BMPR1B: variants seen among roughly 807,000 people sequenced by gnomAD.
BMPR1B encodes bone morphogenetic protein receptor type-1B.
In BMPR1B, 12 loss-of-function variants were observed where a neutral mutation model predicts 59.1. That is an observed-to-expected ratio of 0.20 (90% CI 0.13 to 0.33). The LOEUF (loss-of-function observed/expected upper bound fraction) is 0.33, where lower values mean the gene tolerates loss of function less well. BMPR1B is among the 10% of genes least tolerant of loss of function. The pLI, the probability that BMPR1B is intolerant of heterozygous loss-of-function variation, is 1.00. For missense variants in BMPR1B, 550 were observed against 610.9 expected, an observed-to-expected ratio of 0.90 and a Z score of 1.05; for synonymous variants, 237 against 207.3, an observed-to-expected ratio of 1.14 and a Z score of -1.23.
chr4:95,089,328 C>T (rs892822530), intron 3 of BMPR1B, among the ~76,000 whole-genome samples: 10 of 151,420 alleles, frequency 6.6e-5, no homozygotes, highest in African/African-American at 1.9e-4. Flanking sequence ...CTTTTTTTGG[C>T]GGTGGTTTGT....
chr4:94,758,686 CCT>C (rs1721632492), intron 1 of BMPR1B, among the ~76,000 whole-genome samples: 1 of 151,974 alleles, frequency 6.6e-6, no homozygotes, highest in South Asian at 2.1e-4. Context: ...TGTCTCTTCT[CCT>C]CTCTCTCCTG....
chr4:94,908,387 T>G (rs1456789033), intron 2 of BMPR1B, among the ~76,000 whole-genome samples: 1 of 151,940 alleles, frequency 6.6e-6, no homozygotes, highest in Non-Finnish European at 1.5e-5. Flanking sequence ...CTGTCCTTCT[T>G]AAACTTTATT....
chr4:94,853,521 T>C (rs1188883035), intron 1 of BMPR1B, among the ~76,000 whole-genome samples: 2 of 152,228 alleles, frequency 1.3e-5, no homozygotes, highest in African/African-American at 4.8e-5. Flanking sequence ...GATAGTATTA[T>C]CTTTAATGTA....
chr4:95,011,718 A>C (rs1029369979), intron 3 of BMPR1B, among the ~76,000 whole-genome samples: 2 of 152,070 alleles, frequency 1.3e-5, no homozygotes, highest in African/African-American at 4.8e-5. Context: ...ATCTGTTGCC[A>C]AGGAAAAAGA....
chr4:95,145,602 G>C (rs139162976), intron 10 of BMPR1B, among the ~76,000 whole-genome samples: 1 of 152,270 alleles, frequency 6.6e-6, no homozygotes, highest in Non-Finnish European at 1.5e-5. Flanking sequence ...ACACAAGCTT[G>C]ATTTTTCTCT....
intron 10 of BMPR1B, 60 bp downstream of exon 10, chr4:95,131,572 G>A: frequency 6.4e-7 from 1 of 1,566,796 alleles, no homozygotes; most frequent in Non-Finnish European, 8.8e-7. Flanking sequence ...TTTTTATTTT[G>A]TAGCGCAGTG....
At chr4:95,085,192 T>A (rs772382066) in intron 3 of BMPR1B, among the ~76,000 whole-genome samples, 2 of 152,094 alleles carry the variant, frequency 1.3e-5, no homozygotes, top group Admixed American at 6.5e-5. Flanking sequence ...CAAGAAGGAA[T>A]GTATCAAAGC....
intron 2 of BMPR1B, among the ~76,000 whole-genome samples, chr4:94,984,648 A>C (rs1721293134): frequency 6.6e-6 from 1 of 152,204 alleles, no homozygotes; most frequent in South Asian, 2.1e-4. Context: ...TCGTGTTTTT[A>C]AAAATTACAC....
chr4:94,808,060 TG>T (rs1723678992), intron 1 of BMPR1B, among the ~76,000 whole-genome samples: 1 of 152,198 alleles, frequency 6.6e-6, no homozygotes, highest in Non-Finnish European at 1.5e-5. Flanking sequence ...ATTTATAAAT[TG>T]TAAATCTCTA....
intron 2 of BMPR1B, among the ~76,000 whole-genome samples, chr4:94,947,381 G>A (rs889901894): frequency 1.4e-4 from 22 of 152,324 alleles, no homozygotes; most frequent in Middle Eastern, 3.4e-3. Flanking sequence ...TGGGTAAAGC[G>A]AAAGACTGGA....
chr4:94,811,413 G>C (rs1288067577), intron 1 of BMPR1B, among the ~76,000 whole-genome samples: 1 of 152,168 alleles, frequency 6.6e-6, no homozygotes, highest in Admixed American at 6.5e-5. Flanking sequence ...ATCTCATTAG[G>C]TAGAGCTGAG....
At chr4:94,923,203 ATGG>A (rs1211433026) in intron 2 of BMPR1B, among the ~76,000 whole-genome samples, 3 of 152,080 alleles carry the variant, frequency 2.0e-5, no homozygotes, top group South Asian at 4.2e-4. Flanking sequence ...TATGTACATG[ATGG>A]TGAAGTTTTT....
intron 3 of BMPR1B, among the ~76,000 whole-genome samples, chr4:95,084,510 T>C (rs1439673269): frequency 2.0e-5 from 3 of 152,118 alleles, no homozygotes; most frequent in African/African-American, 7.2e-5. Context: ...TAGGTAAAGG[T>C]AGAGTTGGAA....
chr4:95,045,278 A>G (rs1300662670), intron 3 of BMPR1B, among the ~76,000 whole-genome samples: 1 of 152,228 alleles, frequency 6.6e-6, no homozygotes, highest in East Asian at 1.9e-4. Context: ...CCAAAACTTT[A>G]TTAGTTTCCC....
chr4:94,824,454 C>T (rs775186524), intron 1 of BMPR1B, among the ~76,000 whole-genome samples: 2 of 152,194 alleles, frequency 1.3e-5, no homozygotes, highest in Non-Finnish European at 2.9e-5. Context: ...AGCTTCCAAA[C>T]TTGAACCACT....
intron 3 of BMPR1B, among the ~76,000 whole-genome samples, chr4:95,031,469 A>T (rs1161046231): frequency 1.3e-5 from 2 of 152,116 alleles, no homozygotes; most frequent in African/African-American, 4.8e-5. Context: ...TTTTTTTGAG[A>T]CAGGGTCTTG....
In BMPR1B at chr4:95,155,475, C is replaced by CTTTTTTTTTTTTTTTTTT. The variant is rs548956012; in HGVS notation, c.*817_*834dup. 1 of 64,298 alleles carries CTTTTTTTTTTTTTTTTTT rather than the reference C, an allele frequency of 1.6e-5. No homozygotes were observed. The highest frequency in any genetic ancestry group is 2.7e-5 in the Non-Finnish European group (1 of 37,218). 4.0% of individuals were successfully genotyped at this position (64,298 alleles called of 1,614,324 possible). On this transcript the variant is annotated 3_prime_UTR_variant, in exon 13 of 13. Transcript: ENST00000515059. ...CCCTTTTCATTAAACACAAAGAAAG[C>CTTTTTTTTTTTTTTTTTT]TTTTTTTTTTTTTTTTTTTTTTTTT...
At chr4:94,913,145 TGAA>T (rs1168638749) in intron 2 of BMPR1B, among the ~76,000 whole-genome samples, 2 of 152,200 alleles carry the variant, frequency 1.3e-5, no homozygotes, top group Admixed American at 6.6e-5. Flanking sequence ...AAAATTTTAT[TGAA>T]GAGTCTATTA....
chr4:95,114,727 G>A lies in BMPR1B; in HGVS notation c.151G>A (p.Gly51Arg). The A allele has an allele frequency of 6.2e-7, 1 of 1,612,906 alleles. No individual in the cohort carries two copies. Among genetic ancestry groups the A allele is most frequent in the Non-Finnish European group, 8.5e-7 (1 of 1,179,272 alleles). Residue 51 changes from glycine to arginine, a missense_variant, in exon 5 of 13, where the codon GGA becomes AGA. Physicochemically the swap from Gly to Arg is moderately radical, Grantham distance 125. Coordinates refer to ENST00000515059, the MANE Select transcript of BMPR1B (RefSeq NM_001203.3). ...TGCTTGTTTGATCTTCAGCACAGACGGATATTGTTTCACGATGATAGAAGA... is the reference window on the plus strand; with the variant it reads ...TGCTTGTTTGATCTTCAGCACAGACAGATATTGTTTCACGATGATAGAAGA... ...DSVNNICSTD[G>R]YCFTMIEEDD... is the part of the protein sequence containing the mutation.
Sources: gnomAD v4.1 joint callset for allele counts (sites outside exome capture counted in the v4.1 genomes callset) on GRCh38, gnomAD v4.1.1 for gene constraint, MANE v1.5 for transcripts, NCBI Gene and HGNC (gene_info 2026-07-23, HGNC 2026-07-21) for gene names.